Variants in MYO3A observed in about 807,000 individuals in gnomAD.
MYO3A encodes myosin IIIA.
A neutral mutation model predicts 192.7 loss-of-function variants in MYO3A; 180 were observed. The ratio of observed to expected loss-of-function variants is 0.93; its 90% confidence interval spans 0.83 to 1.06. The LOEUF is 1.06. Ranked by LOEUF, MYO3A falls within the 50% of genes least tolerant of loss-of-function variation. The pLI is 0.00. For synonymous variants in MYO3A, 628 were observed against 645.3 expected, an observed-to-expected ratio of 0.97 and a Z score of 0.41; for missense variants, 1,896 against 1,905.0, an observed-to-expected ratio of 1.00 and a Z score of 0.09.
At chr10:25,956,125 C>T (rs7918480) in intron 4 of MYO3A, among the ~76,000 whole-genome samples, 13,981 of 152,002 alleles carry the variant, frequency 0.092, 1,122 homozygotes, top group African/African-American at 0.21. Flanking sequence ...CTGTGTGGAG[C>T]GTCTTTTTAA....
chr10:26,149,624 A>AT (rs1418338176), intron 23 of MYO3A, among the ~76,000 whole-genome samples: 5 of 151,196 alleles, frequency 3.3e-5, no homozygotes, highest in Admixed American at 6.6e-5. Flanking sequence ...TTTTTTTGTT[A>AT]TTTTTTTAAA....
chr10:26,034,764 T>C (rs1842950399), intron 10 of MYO3A, among the ~76,000 whole-genome samples: 1 of 151,774 alleles, frequency 6.6e-6, no homozygotes, highest in Non-Finnish European at 1.5e-5. Context: ...GGATGATGGA[T>C]TTGCTTCAAA....
At chr10:26,101,086 TGGGTGCATATATATTTAGGATA>T (rs943949283) in intron 17 of MYO3A, among the ~76,000 whole-genome samples, 1 of 152,236 alleles carries the variant, frequency 6.6e-6, no homozygotes, top group African/African-American at 2.4e-5. Flanking sequence ...GCTCCTGTAT[TGGGTGCATATATATTTAGGATA>T]GTTAGCTCTT....
chr10:26,074,698 C>T (rs1308935025), intron 14 of MYO3A, among the ~76,000 whole-genome samples: 1 of 150,534 alleles, frequency 6.6e-6, no homozygotes, highest in Admixed American at 6.6e-5. Flanking sequence ...GCTGCCATTT[C>T]ATTTTGGTGA....
chr10:26,187,280 T>G (rs1842910578), intron 31 of MYO3A, among the ~76,000 whole-genome samples: 1 of 152,066 alleles, frequency 6.6e-6, no homozygotes, highest in South Asian at 2.1e-4. Context: ...GCGGCAAGAA[T>G]ATGGGATTAG....
At chr10:26,093,290 ACAGT>A (rs1422982302) in intron 15 of MYO3A, among the ~76,000 whole-genome samples, 3 of 152,228 alleles carry the variant, frequency 2.0e-5, no homozygotes, top group East Asian at 1.9e-4. Flanking sequence ...AGTGAAGTGC[ACAGT>A]CAGTGTGCTT....
chr10:25,990,691 G>A (rs926203009), intron 4 of MYO3A, among the ~76,000 whole-genome samples: 5 of 127,370 alleles, frequency 3.9e-5, no homozygotes, highest in African/African-American at 1.6e-4. Flanking sequence ...GCCCTGGTGT[G>A]TGATGTTCCC....
Position 26,068,851 on chromosome 10 carries a change from C to G in MYO3A, c.1137C>G (p.Asn379Lys), listed in dbSNP as rs1202782648. Residue 379 changes from asparagine (N) to lysine (K), a missense_variant, in exon 12 of 35, where the codon AAC becomes AAG. Coordinates refer to ENST00000642920, the MANE Select transcript of MYO3A (RefSeq NM_017433.5). Reference protein sequence around the residue: ...VYVGDILIALNPFQSLGLYST... With the variant: ...VYVGDILIALKPFQSLGLYST... ...TGGGAGACATACTCATTGCTCTTAA[C>G]CCTTTTCAGAGTCTGGGTCTTTACT... 3 of 1,596,678 alleles carry G rather than the reference C, an allele frequency of 1.9e-6. No homozygotes were observed.
chr10:26,140,608 C>T (rs540262174), intron 20 of MYO3A, among the ~76,000 whole-genome samples: 1 of 151,586 alleles, frequency 6.6e-6, no homozygotes, highest in South Asian at 2.1e-4. Context: ...TTACTCGAAC[C>T]CGGGAAGTGG....
chr10:26,142,642 C>A (rs1401878636), intron 20 of MYO3A, among the ~76,000 whole-genome samples: 1 of 152,124 alleles, frequency 6.6e-6, no homozygotes, highest in Admixed American at 6.6e-5. Flanking sequence ...TAAGGAAATT[C>A]CAAAGGATTT....
chr10:25,940,462 C>A lies in MYO3A; in HGVS notation c.-18+4632C>A, dbSNP rs190968871. The stretch of plus-strand genomic sequence containing the variant: ...GAACATTTTAAATCCTATCACATTT[C>A]CACTTTTGATTATTACTGTTCAATC... On this transcript the variant is annotated intron_variant, in intron 2 of 34. Transcript: ENST00000642920. 1.4e-4 allele frequency among the ~76,000 whole-genome samples: 22 copies of A among 152,166 alleles called. No individual in the cohort carries two copies. In the East Asian group the frequency reaches 3.9e-3, roughly 27 times the overall value.
chr10:25,953,422 G>A (rs967618915), intron 3 of MYO3A, among the ~76,000 whole-genome samples: 7 of 152,058 alleles, frequency 4.6e-5, no homozygotes, highest in Admixed American at 2.0e-4. Context: ...AAAAAAATGA[G>A]ACTCAGTATG....
chr10:26,170,271 AT>A (rs1841978275), intron 28 of MYO3A, 144 bp from the exon 29 acceptor site: 3 of 861,664 alleles, frequency 3.5e-6, no homozygotes, highest in Non-Finnish European at 5.4e-6. Context: ...AATGAATCAC[AT>A]TTTTAAGTGA....
chr10:25,938,550 A>G (rs944256692), intron 2 of MYO3A, among the ~76,000 whole-genome samples: 1 of 152,228 alleles, frequency 6.6e-6, no homozygotes, highest in Non-Finnish European at 1.5e-5. Context: ...TGTTTCTTCC[A>G]TCATAGGCAG....
chr10:26,081,133 T>TGCCCCCCC (rs1835903762), intron 14 of MYO3A, among the ~76,000 whole-genome samples: 3 of 84,982 alleles, frequency 3.5e-5, no homozygotes, highest in Non-Finnish European at 5.0e-5. Flanking sequence ...TATATGCCCT[T>TGCCCCCCC]CCCCCCCCCC....
At chr10:26,083,175 A>G (rs570580518) in intron 14 of MYO3A, among the ~76,000 whole-genome samples, 1 of 152,296 alleles carries the variant, frequency 6.6e-6, no homozygotes, top group Admixed American at 6.5e-5. Flanking sequence ...TAAGTAAAAT[A>G]AAGATTATTT....
At chr10:25,938,208 T>C (rs552992494) in intron 2 of MYO3A, among the ~76,000 whole-genome samples, 2 of 152,208 alleles carry the variant, frequency 1.3e-5, no homozygotes, top group South Asian at 2.1e-4. Flanking sequence ...CCTGCTGATA[T>C]GTGACTGTGT....
At chr10:25,950,587 G>A (rs139692281) in intron 2 of MYO3A, among the ~76,000 whole-genome samples, 1 of 152,258 alleles carries the variant, frequency 6.6e-6, no homozygotes, top group East Asian at 1.9e-4. Context: ...AGAAGATGTA[G>A]TATTTAACCA....
At chr10:25,954,330 GTTC>G (rs1252422968) in intron 3 of MYO3A, among the ~76,000 whole-genome samples, 1 of 152,060 alleles carries the variant, frequency 6.6e-6, no homozygotes. Flanking sequence ...ATAGCAACCT[GTTC>G]TTCTTTTGGT....
Sources: allele counts gnomAD v4.1 joint callset (sites outside exome capture counted in the v4.1 genomes callset), GRCh38; gene constraint gnomAD v4.1.1; transcripts MANE v1.5; gene names NCBI Gene and HGNC (gene_info 2026-07-23, HGNC 2026-07-21).